Variants in ITGA4 observed in about 807,000 individuals in gnomAD.
ITGA4 encodes the protein integrin alpha-4.
Under a neutral mutation model 133.6 loss-of-function variants are expected in ITGA4, and 63 were observed. The observed-to-expected ratio is 0.47, with a 90% CI of 0.38 to 0.58. The LOEUF is 0.58. Among genes scored for constraint, ITGA4 ranks in the 20% least tolerant of loss-of-function variants. The probability of loss-of-function intolerance (pLI) is 0.00; values close to 1 mark genes in which losing one functional copy is unlikely to be tolerated. For synonymous variants in ITGA4, 483 were observed against 438.0 expected (o/e 1.10, Z -1.28); for missense variants, 1,076 against 1,252.7 (o/e 0.86, Z 2.13).
chr2:181,513,491 A>G (rs1441115003), intron 17 of ITGA4, among the ~76,000 whole-genome samples: 2 of 152,164 alleles, frequency 1.3e-5, no homozygotes, highest in South Asian at 4.1e-4. Context: ...TTTCTTATCC[A>G]TCATGCTTTG....
intron 17 of ITGA4, among the ~76,000 whole-genome samples, chr2:181,518,516 A>C (rs1686656027): frequency 6.6e-6 from 1 of 152,080 alleles, no homozygotes. Flanking sequence ...TAAATATGGT[A>C]ATATGTTATA....
intron 17 of ITGA4, 140 bp from the exon 18 acceptor site, chr2:181,522,051 G>C (rs1686732077): frequency 4.2e-6 from 2 of 475,644 alleles, no homozygotes; most frequent in Non-Finnish European, 3.7e-6. Context: ...CTTGCATAGG[G>C]TCAATCCCAT....
In ITGA4 at chr2:181,457,751, C is replaced by G; in HGVS notation, c.97C>G (p.Pro33Ala). ...GTGCCTGGGGGTCCCGACCGGCCGC[C>G]CCTACAACGTGGACACTGAGAGCGC... ...LLCLGVPTGR[P>A]YNVDTESALL... is the part of the protein sequence containing the mutation. Residue 33 changes from proline (P) to alanine (A), a missense_variant, in exon 1 of 28, where the codon CCC (proline) becomes GCC (alanine). This residue lies in a region of ITGA4 where 82 missense variants were observed against 68.3 expected (regional missense o/e 1.20). Transcript: ENST00000397033. 2 of 1,613,474 alleles carry G rather than the reference C, an allele frequency of 1.2e-6. No homozygotes were observed. Among genetic ancestry groups the G allele is most frequent in the Non-Finnish European group, 1.7e-6 (2 of 1,179,940 alleles).
At position 181,538,181 on chromosome 2, in the gene ITGA4, A is replaced by ATGTT; in HGVS notation, c.*2655_*2658dup. 1 of 1,549,734 alleles carries ATGTT rather than the reference A, an allele frequency of 6.5e-7. No individual in the cohort carries two copies. Among genetic ancestry groups the ATGTT allele is most frequent in the Non-Finnish European group, 8.9e-7 (1 of 1,123,024 alleles). Reference sequence around the variant, plus strand: ...GTACATTTCTTTTAGAAACAATTACATGTTACTTTGGAATCATTTCTTCCA... The same window carrying ATGTT: ...GTACATTTCTTTTAGAAACAATTACATGTTTGTTACTTTGGAATCATTTCTTCCA... On this transcript the variant is annotated 3_prime_UTR_variant, in exon 28 of 28. Transcript: ENST00000397033.
rs1297508208 is a variant in ITGA4 at position 181,523,745 on chromosome 2, G to A, written c.2169+213G>A. Among the ~76,000 whole-genome samples, 3 of 151,996 alleles carry A rather than the reference G, an allele frequency of 2.0e-5. No individual in the cohort carries two copies. The highest frequency in any genetic ancestry group is 4.8e-5 in the African/African-American group (2 of 41,382). ...TTAAAGGGGGTGGCATGTTTACATC[G>A]AAATGGGCATGTGCATGTGTCAATC... On this transcript the variant is annotated intron_variant, in intron 19 of 27. Coordinates refer to ENST00000397033, the MANE Select transcript of ITGA4 (RefSeq NM_000885.6). The surrounding 1 kb of genome is among the most constrained non-coding windows in gnomAD (Gnocchi z 4.2).
Position 181,482,428 on chromosome 2 carries a change from A to T in ITGA4, c.903+6A>T. The T allele has an allele frequency of 6.2e-7, 1 of 1,613,394 alleles. No individual in the cohort carries two copies. The highest frequency in any genetic ancestry group is 1.1e-5 in the South Asian group (1 of 91,012). On this transcript the variant is annotated splice_donor_region_variant and intron_variant, in intron 8 of 27. Transcript: ENST00000397033. ...ATGAAATGAAAGGTAAAAAGGTAAT[A>T]TGTCTCTACCTTTAGTATCTCTGTG...
chr2:181,475,326 G>A, intron 4 of ITGA4, 38 bp downstream of exon 4: 1 of 1,506,008 alleles, frequency 6.6e-7, no homozygotes, highest in South Asian at 1.2e-5. Flanking sequence ...ATAAAGATAA[G>A]TAAGTGAATA....
At chr2:181,461,758 T>G (rs1341856667) in intron 2 of ITGA4, among the ~76,000 whole-genome samples, 2 of 152,196 alleles carry the variant, frequency 1.3e-5, no homozygotes, top group African/African-American at 2.4e-5. Flanking sequence ...ATACACACAC[T>G]AACTCTCATT....
At chr2:181,511,814 G>GA (rs1230295418) in intron 17 of ITGA4, 39 bp downstream of exon 17, 1 of 986,792 alleles carries the variant, frequency 1.0e-6, no homozygotes, top group Non-Finnish European at 1.6e-6. Context: ...TATTCATCGA[G>GA]AGGGTGTAAT....
intron 2 of ITGA4, among the ~76,000 whole-genome samples, chr2:181,467,487 T>A (rs1685447287): frequency 6.6e-6 from 1 of 152,138 alleles, no homozygotes; most frequent in Non-Finnish European, 1.5e-5. Context: ...CTGTCAAAAG[T>A]TATATAGAAA....
chr2:181,465,973 C>T (rs530787987), intron 2 of ITGA4, among the ~76,000 whole-genome samples: 53 of 152,032 alleles, frequency 3.5e-4, no homozygotes, highest in Non-Finnish European at 6.2e-4. Flanking sequence ...AACTGTGGTA[C>T]GTAGTAAGCA....
chr2:181,493,157 T>G (rs1686088674), intron 10 of ITGA4, 168 bp from the exon 11 acceptor site: 1 of 557,050 alleles, frequency 1.8e-6, no homozygotes, highest in South Asian at 2.2e-5. Flanking sequence ...TGTGCAATCC[T>G]GTATATGATG....
At chr2:181,517,810 T>A (rs1386173315) in intron 17 of ITGA4, among the ~76,000 whole-genome samples, 1 of 152,086 alleles carries the variant, frequency 6.6e-6, no homozygotes, top group Non-Finnish European at 1.5e-5. Context: ...TCTCTTTAAT[T>A]TGCTGTTGTC....
chr2:181,466,810 T>C (rs982066548), intron 2 of ITGA4, among the ~76,000 whole-genome samples: 2 of 152,170 alleles, frequency 1.3e-5, no homozygotes, highest in African/African-American at 4.8e-5. Context: ...TGATCAATTC[T>C]TGCAGCATTG....
intron 4 of ITGA4, chr2:181,475,815 T>C (rs1198570982): frequency 6.2e-7 from 1 of 1,600,104 alleles, no homozygotes; most frequent in Admixed American, 1.7e-5. Context: ...AACTCTATGC[T>C]ATAGGTAGCA....
chr2:181,504,412 CA>C (rs1559049828), intron 15 of ITGA4, among the ~76,000 whole-genome samples: 1 of 151,968 alleles, frequency 6.6e-6, no homozygotes, highest in Non-Finnish European at 1.5e-5. Flanking sequence ...TTAGTAAATA[CA>C]TTTTTTTGTA....
intron 4 of ITGA4, among the ~76,000 whole-genome samples, chr2:181,477,874 C>T (rs1321844800): frequency 6.6e-6 from 1 of 151,980 alleles, no homozygotes; most frequent in Non-Finnish European, 1.5e-5. Flanking sequence ...ATCAGTACCA[C>T]ATAAAGAGAT....
intron 2 of ITGA4, among the ~76,000 whole-genome samples, chr2:181,463,557 T>A (rs1685339379): frequency 1.3e-5 from 2 of 151,990 alleles, no homozygotes. Context: ...AAGAGATGAG[T>A]GAGAATGTTC....
chr2:181,502,851 T>C (rs1009564472), intron 15 of ITGA4, among the ~76,000 whole-genome samples: 3 of 151,908 alleles, frequency 2.0e-5, no homozygotes, highest in African/African-American at 7.3e-5. Flanking sequence ...CAGGAGTAGA[T>C]GAAGAGTTAC....
Sources: allele counts gnomAD v4.1 joint callset (sites outside exome capture counted in the v4.1 genomes callset), GRCh38; gene constraint gnomAD v4.1.1; regional missense constraint gnomAD v4.1.1; non-coding constraint Gnocchi (gnomAD v3.1); transcripts MANE v1.5; gene names NCBI Gene and HGNC (gene_info 2026-07-23, HGNC 2026-07-21).